Variants in NLK observed in about 807,000 individuals in gnomAD.
NLK encodes serine/threonine-protein kinase NLK.
A neutral mutation model predicts 59.0 loss-of-function variants in NLK; 11 were observed. The observed-to-expected ratio is 0.19, with a 90% CI of 0.12 to 0.31. NLK has a LOEUF of 0.31. Ranked by LOEUF, NLK falls within the 10% of genes least tolerant of loss-of-function variation. The probability of loss-of-function intolerance (pLI) is 1.00; values close to 1 mark genes in which losing one functional copy is unlikely to be tolerated. For synonymous variants in NLK, 235 were observed against 235.9 expected (o/e 1.00, Z 0.03); for missense variants, 410 against 661.1 (o/e 0.62, Z 4.16).
chr17:28,125,065 A>T (rs760247974), intron 2 of NLK, among the ~76,000 whole-genome samples: 2 of 152,092 alleles, frequency 1.3e-5, no homozygotes, highest in African/African-American at 2.4e-5. Flanking sequence ...AAGACAAAAA[A>T]GAAATTTGCT....
At chr17:28,118,557 C>A (rs1905881585) in intron 1 of NLK, among the ~76,000 whole-genome samples, 2 of 152,146 alleles carry the variant, frequency 1.3e-5, no homozygotes, top group African/African-American at 4.8e-5. Flanking sequence ...TAATAAGTTT[C>A]ACTTTTGTTT....
intron 1 of NLK, among the ~76,000 whole-genome samples, chr17:28,059,883 A>G (rs1463301133): frequency 1.3e-5 from 2 of 152,228 alleles, no homozygotes; most frequent in Non-Finnish European, 2.9e-5. Flanking sequence ...TATTTTCATC[A>G]TACAGATAAA....
At chr17:28,185,977 A>G (rs934332326) in intron 8 of NLK, among the ~76,000 whole-genome samples, 1 of 152,206 alleles carries the variant, frequency 6.6e-6, no homozygotes, top group Non-Finnish European at 1.5e-5. Flanking sequence ...ACATACTACA[A>G]ATTATACTGT....
chr17:28,122,903 A>G (rs1426676934), intron 2 of NLK, among the ~76,000 whole-genome samples, 171 bp downstream of exon 2: 1 of 152,172 alleles, frequency 6.6e-6, no homozygotes, highest in Non-Finnish European at 1.5e-5. Flanking sequence ...ATGGGAGAAT[A>G]CCTATTGATA....
At chr17:28,128,324 A>G (rs1906374735) in intron 2 of NLK, among the ~76,000 whole-genome samples, 1 of 152,214 alleles carries the variant, frequency 6.6e-6, no homozygotes. Flanking sequence ...ATGAAAAGAC[A>G]GACCTCAAAC....
chr17:28,155,627 G>C (rs540101600), intron 3 of NLK, among the ~76,000 whole-genome samples: 1 of 152,278 alleles, frequency 6.6e-6, no homozygotes, highest in Non-Finnish European at 1.5e-5. Flanking sequence ...CATGTCCTTT[G>C]CAGGGCCATG....
At chr17:28,177,560 G>A (rs114709664) in intron 7 of NLK, among the ~76,000 whole-genome samples, 127 of 152,230 alleles carry the variant, frequency 8.3e-4, no homozygotes, top group Middle Eastern at 3.4e-3. Context: ...CCTCTGCTCC[G>A]CTTTCCTGTG....
At chr17:28,168,736 G>T in intron 6 of NLK, 79 bp downstream of exon 6, 1 of 1,122,534 alleles carries the variant, frequency 8.9e-7, no homozygotes, top group Non-Finnish European at 1.3e-6. Flanking sequence ...TGTGTCTTGG[G>T]CTTATTCATT....
At chr17:28,055,246 C>T (rs1349152722) in intron 1 of NLK, among the ~76,000 whole-genome samples, 4 of 151,980 alleles carry the variant, frequency 2.6e-5, no homozygotes, top group African/African-American at 7.3e-5. Flanking sequence ...GCACACGCCA[C>T]CACTCCCAGC....
intron 3 of NLK, among the ~76,000 whole-genome samples, chr17:28,148,512 G>A (rs1458014629): frequency 3.3e-5 from 5 of 152,196 alleles, no homozygotes; most frequent in Non-Finnish European, 7.3e-5. Flanking sequence ...GTTAGAAAGA[G>A]ACACTGAGAC....
At chr17:28,133,845 G>A (rs34829518) in intron 3 of NLK, among the ~76,000 whole-genome samples, 3,302 of 152,132 alleles carry the variant, frequency 0.022, 57 homozygotes, top group Non-Finnish European at 0.037. Flanking sequence ...TCTTACACAG[G>A]GGGTTGGTAA....
At chr17:28,108,605 C>G (rs1456815763) in intron 1 of NLK, among the ~76,000 whole-genome samples, 1 of 152,124 alleles carries the variant, frequency 6.6e-6, no homozygotes, top group Non-Finnish European at 1.5e-5. Context: ...TACCTGTTTA[C>G]AGTGACACAC....
chr17:28,106,936 A>G (rs1280389662), intron 1 of NLK, among the ~76,000 whole-genome samples: 2 of 152,258 alleles, frequency 1.3e-5, no homozygotes, highest in Admixed American at 6.5e-5. Flanking sequence ...GACCTAAAAA[A>G]GAACAGAGTA....
intron 3 of NLK, among the ~76,000 whole-genome samples, chr17:28,150,092 G>A (rs1424893820): frequency 6.6e-6 from 1 of 152,142 alleles, no homozygotes; most frequent in African/African-American, 2.4e-5. Flanking sequence ...AGATTTAAAT[G>A]CAAACTCTGT....
intron 1 of NLK, among the ~76,000 whole-genome samples, chr17:28,069,766 T>G (rs1383452533): frequency 1.3e-5 from 2 of 152,198 alleles, no homozygotes; most frequent in African/African-American, 4.8e-5. Flanking sequence ...GAGTCTTATT[T>G]CTTTTTCTGA....
At chr17:28,178,242 C>A (rs1198354465) in intron 7 of NLK, among the ~76,000 whole-genome samples, 1 of 152,134 alleles carries the variant, frequency 6.6e-6, no homozygotes, top group East Asian at 1.9e-4. Flanking sequence ...CATCCTGGAG[C>A]TGGTCATGGT....
chr17:28,201,900 C>T, the NLK span, among the ~76,000 whole-genome samples: 2 of 152,006 alleles, frequency 1.3e-5, no homozygotes, highest in African/African-American at 2.4e-5. Context: ...CCTGTAGTCC[C>T]AGACACTTAG....
chr17:28,127,376 A>T (rs1906333228), intron 2 of NLK, among the ~76,000 whole-genome samples: 1 of 152,240 alleles, frequency 6.6e-6, no homozygotes, highest in African/African-American at 2.4e-5. Flanking sequence ...TTACAGAATC[A>T]TACAGTATGG....
intron 6 of NLK, among the ~76,000 whole-genome samples, chr17:28,169,698 C>CT (rs201355157): frequency 4.5e-3 from 627 of 140,790 alleles, no homozygotes; most frequent in African/African-American, 8.2e-3. Context: ...CTCTGTGTTC[C>CT]TTTTTTTTTG....
Sources: allele counts gnomAD v4.1 joint callset (sites outside exome capture counted in the v4.1 genomes callset), GRCh38; gene constraint gnomAD v4.1.1; transcripts MANE v1.5; gene names NCBI Gene and HGNC (gene_info 2026-07-23, HGNC 2026-07-21).